The following NCOR2 variants were observed in gnomAD, a reference collection of about 807,000 sequenced individuals.
NCOR2 encodes the protein nuclear receptor corepressor 2, also known as CTG repeat protein 26.
In NCOR2, 81 loss-of-function variants were observed where a neutral mutation model predicts 262.9. The observed-to-expected ratio is 0.31, with a 90% CI of 0.26 to 0.37. NCOR2 has a LOEUF of 0.37. Among genes scored for constraint, NCOR2 ranks in the 10% least tolerant of loss-of-function variants. The pLI, the probability that NCOR2 is intolerant of heterozygous loss-of-function variation, is 1.00. For synonymous variants in NCOR2, 1,659 were observed against 1,559.3 expected, an observed-to-expected ratio of 1.06 and a Z score of -1.51; for missense variants, 3,385 against 3,621.4, an observed-to-expected ratio of 0.93 and a Z score of 1.68.
In NCOR2 at chr12:124,449,682, G is replaced by A. The variant is rs190292501; in HGVS notation, c.815+133C>T. ...CCTAGGACTGTCTCCTGTCCCCTCCGGGAGCACCTGGCCCTGGCCGGGAGC... is the reference window on the plus strand; with the variant it reads ...CCTAGGACTGTCTCCTGTCCCCTCCAGGAGCACCTGGCCCTGGCCGGGAGC... On this transcript the variant is annotated intron_variant, in intron 7 of 46. Transcript: ENST00000405201. 5.1e-3 allele frequency: 3,763 copies of A among 731,994 alleles called. 10 individuals carry two copies. The highest frequency in any genetic ancestry group is 6.8e-3 in the Non-Finnish European group (3,411 of 500,504). The allele number at this position is 731,994 out of a possible 1,614,324, so 45.3% of individuals were successfully genotyped here. A position where few individuals can be genotyped will look rare whatever the true frequency, so the allele number is the denominator to read the frequency against.
exon 25 of NCOR2, chr12:124,354,920 T>C: frequency 6.2e-7 from 1 of 1,613,046 alleles, no homozygotes; most frequent in Non-Finnish European, 8.5e-7. Flanking sequence ...GTACGGGACG[T>C]GGAGCTGGAC....
In NCOR2 at chr12:124,340,067, G is replaced by A. The variant is rs202106373; in HGVS notation, c.5626C>T (p.His1876Tyr). ...ATGATACCCTTCATGCCTGTGTTGT[G>A]AAGCACACTGGGTCTCTGCTGGAGG... is the stretch of plus-strand genomic sequence containing the variant. Residue 1876 changes from histidine to tyrosine, a missense_variant, in exon 37 of 47, where the codon CAC becomes TAC. His to Tyr is a moderately conservative substitution (Grantham distance 83). This residue lies in a region of NCOR2 where 1,017 missense variants were observed against 967.2 expected (regional missense o/e 1.05). Coordinates refer to ENST00000405201, the Ensembl canonical transcript of NCOR2. 821 of 1,612,918 alleles carry A rather than the reference G, an allele frequency of 5.1e-4. 1 individual carries two copies. Among genetic ancestry groups the A allele is most frequent in the Non-Finnish European group, 6.7e-4 (788 of 1,180,016 alleles).
At chr12:124,365,486 C>T (rs1400766088) in intron 20 of NCOR2, among the ~76,000 whole-genome samples, 1 of 152,176 alleles carries the variant, frequency 6.6e-6, no homozygotes, top group African/African-American at 2.4e-5. Context: ...CGGCAGTCCC[C>T]TCCTTCAATC....
chr12:124,537,009 C>T (rs998306549), upstream of NCOR2, among the ~76,000 whole-genome samples: 1 of 152,218 alleles, frequency 6.6e-6, no homozygotes, highest in African/African-American at 2.4e-5. Context: ...GAATCTGAGA[C>T]TCAGGCTGTG....
At chr12:124,489,855 TGGACTGG>T (rs1305383272) in intron 1 of NCOR2, among the ~76,000 whole-genome samples, 2 of 152,118 alleles carry the variant, frequency 1.3e-5, no homozygotes, top group Non-Finnish European at 2.9e-5. Flanking sequence ...TGTTTGAGCA[TGGACTGG>T]GAGAAGTTCC....
chr12:124,416,652 A>G (rs542489730), intron 13 of NCOR2, among the ~76,000 whole-genome samples: 1 of 144,452 alleles, frequency 6.9e-6, no homozygotes, highest in East Asian at 2.1e-4. Context: ...CCCGTGGCAC[A>G]GGGAGACCCC....
chr12:124,366,443 TA>T (rs1325646044), intron 20 of NCOR2, among the ~76,000 whole-genome samples: 1 of 152,148 alleles, frequency 6.6e-6, no homozygotes, highest in East Asian at 1.9e-4. Context: ...GGAGGGAGGA[TA>T]GGGGTGACTA....
chr12:124,499,354 T>C (rs2048560442), upstream of NCOR2, among the ~76,000 whole-genome samples: 1 of 152,232 alleles, frequency 6.6e-6, no homozygotes, highest in Non-Finnish European at 1.5e-5. Flanking sequence ...ATACACACTG[T>C]GGTCCCTGCT....
At chr12:124,355,755 A>G (rs2037901113) in intron 23 of NCOR2, among the ~76,000 whole-genome samples, 184 bp from the exon 26 acceptor site, 1 of 152,188 alleles carries the variant, frequency 6.6e-6, no homozygotes, top group East Asian at 1.9e-4. Flanking sequence ...TGCAGACACC[A>G]CTATCCTGGG....
chr12:124,530,395 AT>A, intron 1 of NCOR2, among the ~76,000 whole-genome samples: 1 of 152,196 alleles, frequency 6.6e-6, no homozygotes, highest in South Asian at 2.1e-4. Context: ...AAATGTTTAC[AT>A]TTGTCAAAAC....
chr12:124,373,037 G>A (rs928091704), intron 19 of NCOR2, among the ~76,000 whole-genome samples: 2 of 152,238 alleles, frequency 1.3e-5, no homozygotes, highest in Non-Finnish European at 2.9e-5. Flanking sequence ...TTACCTCTTG[G>A]GCCTCAGTTT....
intron 1 of NCOR2, among the ~76,000 whole-genome samples, chr12:124,522,063 C>A (rs918585786): frequency 6.6e-6 from 1 of 152,110 alleles, no homozygotes; most frequent in African/African-American, 2.4e-5. Flanking sequence ...TGAATGCACA[C>A]CACTCCAGCC....
At chr12:124,393,372 T>C (rs943865374) in intron 16 of NCOR2, among the ~76,000 whole-genome samples, 6 of 152,350 alleles carry the variant, frequency 3.9e-5, no homozygotes, top group African/African-American at 1.4e-4. Context: ...CACAGCCGCA[T>C]GCACACAAGA....
chr12:124,446,245 C>T (rs914468744), intron 7 of NCOR2, among the ~76,000 whole-genome samples: 6 of 152,180 alleles, frequency 3.9e-5, no homozygotes, highest in Admixed American at 6.5e-5. Flanking sequence ...CTACCTACCT[C>T]GGCAGCTCCT....
intron 13 of NCOR2, among the ~76,000 whole-genome samples, chr12:124,412,022 A>G (rs545179967): frequency 6.6e-6 from 1 of 152,362 alleles, no homozygotes; most frequent in Admixed American, 6.5e-5. Context: ...ACCCTCCATT[A>G]AACAAGAAGG....
At chr12:124,398,418 G>A (rs1319355777) in intron 15 of NCOR2, among the ~76,000 whole-genome samples, 4 of 152,214 alleles carry the variant, frequency 2.6e-5, no homozygotes, top group South Asian at 2.1e-4. Flanking sequence ...GCAGTCCCAC[G>A]TGCCGTTGGT....
intron 6 of NCOR2, among the ~76,000 whole-genome samples, 193 bp downstream of exon 8, chr12:124,456,913 A>G (rs1447626122): frequency 2.7e-5 from 1 of 37,084 alleles, no homozygotes; most frequent in Non-Finnish European, 5.4e-5. Flanking sequence ...CACCCAGCCC[A>G]GCCAGGCCCG....
At chr12:124,558,553 C>T (rs12422562) in intron 1 of NCOR2, among the ~76,000 whole-genome samples, 27,697 of 152,136 alleles carry the variant, frequency 0.18, 3,179 homozygotes, top group African/African-American at 0.32. Flanking sequence ...GGTGGGCCAT[C>T]GAGAGGTGGC....
At chr12:124,423,456 G>A (rs1264300131) in intron 11 of NCOR2, among the ~76,000 whole-genome samples, 1 of 152,170 alleles carries the variant, frequency 6.6e-6, no homozygotes, top group African/African-American at 2.4e-5. Context: ...AGCAGGCCCC[G>A]CGCCTGCTTC....
Sources: allele counts gnomAD v4.1 joint callset (sites outside exome capture counted in the v4.1 genomes callset), GRCh38; gene constraint gnomAD v4.1.1; regional missense constraint gnomAD v4.1.1; transcripts MANE v1.5; gene names NCBI Gene and HGNC (gene_info 2026-07-23, HGNC 2026-07-21).